The following BRD10 variants were observed in gnomAD, a reference collection of about 807,000 sequenced individuals.
The protein encoded by BRD10 is uncharacterized bromodomain-containing protein 10.
At chr9:5,957,793 A>G in the BRD10 span, among the ~76,000 whole-genome samples, 1 of 152,278 alleles carries the variant, frequency 6.6e-6, no homozygotes, top group African/African-American at 2.4e-5. Context: ...ACTTCAAAAA[A>G]ATTAAATATT....
At chr9:5,894,960 C>T in the BRD10 span, among the ~76,000 whole-genome samples, 1 of 152,206 alleles carries the variant, frequency 6.6e-6, no homozygotes, top group South Asian at 2.1e-4. The surrounding 1 kb of genome is among the most constrained non-coding windows in gnomAD (Gnocchi z 4.0). Context: ...CACAAGCTTT[C>T]TGTGTCTTGC....
At chr9:5,918,700 C>T in the BRD10 span, among the ~76,000 whole-genome samples, 1 of 140,700 alleles carries the variant, frequency 7.1e-6, no homozygotes, top group South Asian at 2.3e-4. Context: ...CAATTACTTA[C>T]ACACCAACCT....
At chr9:5,944,575 A>T in the BRD10 span, among the ~76,000 whole-genome samples, 2 of 152,100 alleles carry the variant, frequency 1.3e-5, no homozygotes, top group African/African-American at 4.8e-5. Context: ...CAAGGCAAAC[A>T]TTACCCAAAA....
chr9:5,880,039 C>T, the BRD10 span, among the ~76,000 whole-genome samples: 1 of 151,690 alleles, frequency 6.6e-6, no homozygotes, highest in Middle Eastern at 3.2e-3. Flanking sequence ...CCAACTTCAA[C>T]CTCCCAAGTA....
At chr9:5,949,337 G>C in the BRD10 span, among the ~76,000 whole-genome samples, 1 of 151,814 alleles carries the variant, frequency 6.6e-6, no homozygotes, top group East Asian at 1.9e-4. Flanking sequence ...CCAGTCTGGC[G>C]GCAGAGCGAG....
At chr9:5,895,189 A>C in the BRD10 span, among the ~76,000 whole-genome samples, 1 of 152,216 alleles carries the variant, frequency 6.6e-6, no homozygotes, top group African/African-American at 2.4e-5. Flanking sequence ...ACTTAACTTC[A>C]GTCTGTGAGT....
the BRD10 span, among the ~76,000 whole-genome samples, chr9:5,981,643 TCTA>T: frequency 6.6e-6 from 1 of 151,330 alleles, no homozygotes; most frequent in Admixed American, 6.6e-5. Flanking sequence ...TATCTATCTA[TCTA>T]TTTTAATCTA....
chr9:5,956,046 A>G, the BRD10 span, among the ~76,000 whole-genome samples: 25 of 152,280 alleles, frequency 1.6e-4, 1 homozygote, highest in African/African-American at 6.0e-4. Flanking sequence ...ATGTATGGGA[A>G]GGTTTTATAA....
chr9:5,982,627 G>A, the BRD10 span, among the ~76,000 whole-genome samples: 1 of 152,204 alleles, frequency 6.6e-6, no homozygotes, highest in Non-Finnish European at 1.5e-5. Context: ...ATGACTACCA[G>A]ATGTACTCCC....
chr9:5,898,421 A>G, the BRD10 span, among the ~76,000 whole-genome samples: 1 of 152,172 alleles, frequency 6.6e-6, no homozygotes, highest in Non-Finnish European at 1.5e-5. Context: ...TAATCCATTC[A>G]TGAGGACAGA....
chr9:5,990,170 C>A, the BRD10 span, among the ~76,000 whole-genome samples: 2 of 152,178 alleles, frequency 1.3e-5, no homozygotes, highest in African/African-American at 4.8e-5. Context: ...TGTATGATAG[C>A]TAATTGGGCC....
At chr9:5,941,485 A>G in the BRD10 span, among the ~76,000 whole-genome samples, 1 of 152,212 alleles carries the variant, frequency 6.6e-6, no homozygotes, top group East Asian at 1.9e-4. Context: ...TACCTGGTAG[A>G]TAAAAATTAA....
chr9:5,920,795 T>G, the BRD10 span: 2 of 1,613,932 alleles, frequency 1.2e-6, no homozygotes, highest in East Asian at 2.2e-5. Context: ...TGTTAAACAT[T>G]TAGGAGACAC....
chr9:5,889,051 TCTG>T, the BRD10 span, among the ~76,000 whole-genome samples: 1 of 152,228 alleles, frequency 6.6e-6, no homozygotes, highest in Non-Finnish European at 1.5e-5. Context: ...TTTGGTGGTC[TCTG>T]CTGGTCTGAT....
chr9:5,950,944 T>C, the BRD10 span, among the ~76,000 whole-genome samples: 20 of 151,992 alleles, frequency 1.3e-4, no homozygotes, highest in African/African-American at 4.8e-4. Flanking sequence ...AAAAAATCAG[T>C]ACATGTTTAG....
chr9:5,992,104 C>T, the BRD10 span, among the ~76,000 whole-genome samples: 1 of 152,210 alleles, frequency 6.6e-6, no homozygotes, highest in Non-Finnish European at 1.5e-5. Context: ...GATACCCTAT[C>T]ACTCTCTATT....
the BRD10 span, among the ~76,000 whole-genome samples, chr9:5,973,272 G>C: frequency 6.6e-6 from 1 of 152,102 alleles, no homozygotes; most frequent in Non-Finnish European, 1.5e-5. Flanking sequence ...TTTGAGACCA[G>C]CCTGGCCAAC....
At chr9:5,968,903 T>A in the BRD10 span, 1 of 1,612,982 alleles carries the variant, frequency 6.2e-7, no homozygotes, top group Non-Finnish European at 8.5e-7. Flanking sequence ...ATCTTGAACT[T>A]CCTTTTGTGT....
chr9:5,990,731 T>C, the BRD10 span, among the ~76,000 whole-genome samples: 10 of 152,170 alleles, frequency 6.6e-5, no homozygotes, highest in Admixed American at 3.3e-4. Flanking sequence ...AAGACTGATA[T>C]TACTCAGGGT....
Sources: gnomAD v4.1 joint callset for allele counts (sites outside exome capture counted in the v4.1 genomes callset) on GRCh38, gnomAD v4.1.1 for gene constraint, Gnocchi (gnomAD v3.1) non-coding constraint, MANE v1.5 for transcripts, NCBI Gene and HGNC (gene_info 2026-07-23, HGNC 2026-07-21) for gene names.